Variants in UBXN8 observed in about 807,000 individuals in gnomAD.
The protein encoded by UBXN8 is UBX domain-containing protein 8.
UBXN8 carries 27 observed loss-of-function variants against 32.1 expected under a neutral mutation model. The observed-to-expected ratio is 0.84, with a 90% CI of 0.62 to 1.16. The LOEUF (loss-of-function observed/expected upper bound fraction) is 1.16. Ranked by LOEUF, UBXN8 falls within the 50% of genes most tolerant of loss-of-function variation. The pLI is 0.00. For missense variants in UBXN8, 306 were observed against 311.4 expected (o/e 0.98, Z 0.13); for synonymous variants, 109 against 111.8 (o/e 0.98, Z 0.16).
At chr8:30,743,128 G>A (rs1805249679), upstream of UBXN8, among the ~76,000 whole-genome samples, 1 of 151,172 alleles carries the variant, frequency 6.6e-6, no homozygotes, top group African/African-American at 2.4e-5. Flanking sequence ...GAGCCACCGC[G>A]CTTAGCCAGG....
intron 3 of UBXN8, among the ~76,000 whole-genome samples, chr8:30,753,852 C>T (rs1586099062): frequency 1.4e-5 from 2 of 143,216 alleles, no homozygotes; most frequent in South Asian, 2.2e-4. Context: ...ACCTCACTGT[C>T]GCCTCAAATT....
At chr8:30,731,229 C>T (rs140360983), upstream of UBXN8, among the ~76,000 whole-genome samples, 6,197 of 152,250 alleles carry the variant, frequency 0.041, 335 homozygotes, top group African/African-American at 0.13. Flanking sequence ...GGACCGGGCT[C>T]AAGGACTCCC....
chr8:30,758,907 T>A (rs1308288002), intron 5 of UBXN8, among the ~76,000 whole-genome samples: 4 of 145,794 alleles, frequency 2.7e-5, no homozygotes, highest in African/African-American at 1.0e-4. Flanking sequence ...TTTTTTTTTT[T>A]TTTTGAGACG....
intron 1 of UBXN8, among the ~76,000 whole-genome samples, chr8:30,748,430 A>G (rs1171137188): frequency 1.3e-5 from 2 of 150,616 alleles, no homozygotes; most frequent in Non-Finnish European, 3.0e-5. Flanking sequence ...CAACTGCTGC[A>G]CTCCAGCCTG....
intron 7 of UBXN8, among the ~76,000 whole-genome samples, chr8:30,765,004 C>G (rs958584641): frequency 2.0e-5 from 3 of 152,270 alleles, no homozygotes; most frequent in African/African-American, 7.2e-5. Context: ...GAGCCAAGAT[C>G]GTGCCACTGC....
Position 30,744,294 on chromosome 8 carries a change from C to T in UBXN8, c.88+17C>T, listed in dbSNP as rs1191989780. 6.8e-6 allele frequency: 11 copies of T among 1,608,182 alleles called. No homozygotes were observed. The highest frequency in any genetic ancestry group is 9.4e-6 in the Non-Finnish European group (11 of 1,176,366). On this transcript the variant is annotated intron_variant, in intron 1 of 7. Transcript: ENST00000265616. ...CGGATATAGGTAAGTGTGACTTTTT[C>T]CCTTCGACAGTCACAGCTGGGTAAT... is the stretch of plus-strand genomic sequence containing the variant.
chr8:30,744,417 C>T (rs1805304709), intron 1 of UBXN8, 140 bp downstream of exon 1: 3 of 791,014 alleles, frequency 3.8e-6, no homozygotes, highest in East Asian at 2.7e-5. Context: ...CCTGCCCCCC[C>T]ACTTCCGGAG....
rs556262258 is a variant in UBXN8, at chr8:30,747,378, T to TCTGCTCA, written c.88+3106_88+3112dup. Among the ~76,000 whole-genome samples, 514 of 118,156 alleles carry TCTGCTCA rather than the reference T, an allele frequency of 4.4e-3. 63 individuals are homozygous for TCTGCTCA. The highest frequency in any genetic ancestry group is 0.016 in the African/African-American group (473 of 29,784). The allele number at this position is 118,156 out of a possible 152,430, so 77.5% of individuals were successfully genotyped here. A position where few individuals can be genotyped will look rare whatever the true frequency, so the allele number is the denominator to read the frequency against. Reference sequence around the variant, plus strand: ...CACGCAGGAGTGCAGTGGCACAATCTCTGCTCACTGCAACCTCCGCCTCCC... The same window carrying TCTGCTCA: ...CACGCAGGAGTGCAGTGGCACAATCTCTGCTCACTGCTCACTGCAACCTCCGCCTCCC... On this transcript the variant is annotated intron_variant, in intron 1 of 7. Transcript: ENST00000265616.
At chr8:30,742,416 T>C (rs1490838974), upstream of UBXN8, among the ~76,000 whole-genome samples, 1 of 152,072 alleles carries the variant, frequency 6.6e-6, no homozygotes, top group African/African-American at 2.4e-5. Context: ...ACTGGCATGA[T>C]CTCAGCTCAC....
chr8:30,734,458 A>G (rs570156548), intron 1 of UBXN8: 2 of 152,104 alleles, frequency 1.3e-5, no homozygotes, highest in Admixed American at 6.6e-5. Context: ...CATATCCACA[A>G]AAAAATTAAA....
chr8:30,764,116 A>G (rs550671720), intron 7 of UBXN8, among the ~76,000 whole-genome samples: 46 of 152,376 alleles, frequency 3.0e-4, no homozygotes, highest in African/African-American at 9.6e-4. Flanking sequence ...ACATTTTGGT[A>G]TATTTCCGTC....
chr8:30,753,063 A>G lies in UBXN8; in HGVS notation c.240A>G (p.Gln80=). The part of the protein sequence containing the change: ...KEEEEKNEKR[Q]KLVRKKQQEA... ...AAGAAGAAAAGAATGAGAAAAGACAAAAACTTGTGAGAAAAAAACAACAAG... is the reference window on the plus strand; with the variant it reads ...AAGAAGAAAAGAATGAGAAAAGACAGAAACTTGTGAGAAAAAAACAACAAG... Residue 80 remains glutamine (Q), a synonymous_variant, in exon 3 of 8, where the codon CAA becomes CAG. Transcript: ENST00000265616. 3 of 1,531,462 alleles carry G rather than the reference A, an allele frequency of 2.0e-6. No individual in the cohort carries two copies. The highest frequency in any genetic ancestry group is 2.6e-6 in the Non-Finnish European group (3 of 1,140,422). 94.9% of individuals were successfully genotyped at this position (1,531,462 alleles called of 1,614,324 possible). A position where few individuals can be genotyped will look rare whatever the true frequency, so the allele number is the denominator to read the frequency against.
At chr8:30,739,272 T>C (rs183136748), upstream of UBXN8, among the ~76,000 whole-genome samples, 403 of 150,962 alleles carry the variant, frequency 2.7e-3, 7 homozygotes, top group African/African-American at 7.4e-3. Context: ...TGGCCGGGTA[T>C]GGTGGCTCAC....
At chr8:30,730,244 A>T (rs1804920115), upstream of UBXN8, among the ~76,000 whole-genome samples, 1 of 152,214 alleles carries the variant, frequency 6.6e-6, no homozygotes, top group Admixed American at 6.5e-5. Context: ...GGTATACTGG[A>T]ATAGATGAGG....
At chr8:30,746,417 T>C (rs1394037048) in intron 1 of UBXN8, among the ~76,000 whole-genome samples, 2 of 152,084 alleles carry the variant, frequency 1.3e-5, no homozygotes, top group East Asian at 3.9e-4. Context: ...TGGTTATGCC[T>C]ATACTGATAT....
At chr8:30,730,832 A>T (rs1244550676), upstream of UBXN8, among the ~76,000 whole-genome samples, 1 of 152,236 alleles carries the variant, frequency 6.6e-6, no homozygotes, top group Non-Finnish European at 1.5e-5. Context: ...ATTAGAAGAA[A>T]ACTGCAGAAA....
chr8:30,763,297 C>T lies in UBXN8; in HGVS notation c.595C>T (p.Pro199Ser). The T allele has an allele frequency of 6.2e-7, 1 of 1,613,804 alleles. No individual in the cohort carries two copies. Among genetic ancestry groups the T allele is most frequent in the Non-Finnish European group, 8.5e-7 (1 of 1,179,708 alleles). The change falls in exon 7 of 8, where the codon CCC becomes TCC. Residue 199 changes from proline to serine, a missense_variant. By Grantham distance (74) the Pro-to-Ser change is moderately conservative (BLOSUM62 -1). Coordinates refer to ENST00000265616, the MANE Select transcript of UBXN8 (RefSeq NM_005671.4). ...GGTAGTTACTGTTGCTCTCCGATGT[C>T]CCAGTGGGAATGTCCTGAGGAGAAG... ...EEVVTVALRC[P>S]SGNVLRRRFL...
chr8:30,751,637 T>C, intron 2 of UBXN8, 119 bp downstream of exon 2: 1 of 809,908 alleles, frequency 1.2e-6, no homozygotes, highest in Non-Finnish European at 1.8e-6. Context: ...TCAGGGAGAG[T>C]AATCAGTACA....
intron 1 of UBXN8, among the ~76,000 whole-genome samples, chr8:30,751,166 C>T (rs1344021072): frequency 6.6e-6 from 1 of 152,178 alleles, no homozygotes; most frequent in African/African-American, 2.4e-5. Context: ...TTCTACTATA[C>T]TTTTCCAGTA....
Sources: gnomAD v4.1 joint callset for allele counts (sites outside exome capture counted in the v4.1 genomes callset) on GRCh38, gnomAD v4.1.1 for gene constraint, MANE v1.5 for transcripts, NCBI Gene and HGNC (gene_info 2026-07-23, HGNC 2026-07-21) for gene names.